JAM3: variants seen among roughly 807,000 people sequenced by gnomAD.
JAM3 encodes junctional adhesion molecule C.
JAM3 carries 31 observed loss-of-function variants against 39.4 expected under a neutral mutation model. The ratio of observed to expected loss-of-function variants is 0.79; its 90% confidence interval spans 0.59 to 1.06. The LOEUF (loss-of-function observed/expected upper bound fraction) is 1.06, where lower values mean the gene tolerates loss of function less well. JAM3 is among the 50% of genes least tolerant of loss of function. The pLI, the probability that JAM3 is intolerant of heterozygous loss-of-function variation, is 0.00. For synonymous variants in JAM3, 182 were observed against 148.7 expected (o/e 1.22, Z -1.63); for missense variants, 455 against 391.4 (o/e 1.16, Z -1.37).
chr11:134,102,500 C>G (rs946630455), intron 1 of JAM3, among the ~76,000 whole-genome samples: 1 of 152,164 alleles, frequency 6.6e-6, no homozygotes, highest in African/African-American at 2.4e-5. Context: ...AGCAACGGAA[C>G]AAAGCTGGAC....
intron 1 of JAM3, among the ~76,000 whole-genome samples, chr11:134,102,779 A>G (rs1045312730): frequency 8.5e-5 from 13 of 152,350 alleles, no homozygotes; most frequent in African/African-American, 3.1e-4. Context: ...TGAAGATCAA[A>G]TGAATGAAAT....
At chr11:134,142,217 C>G (rs1464749258) in intron 3 of JAM3, among the ~76,000 whole-genome samples, 1 of 152,100 alleles carries the variant, frequency 6.6e-6, no homozygotes, top group African/African-American at 2.4e-5. Flanking sequence ...CCGAGGGAGA[C>G]GGTTTCCCGC....
At chr11:134,095,037 T>C (rs1312537417) in intron 1 of JAM3, among the ~76,000 whole-genome samples, 2 of 152,236 alleles carry the variant, frequency 1.3e-5, no homozygotes, top group Non-Finnish European at 2.9e-5. Context: ...AATGAAAGTG[T>C]AATATTGGGT....
rs1480553947 is a variant in JAM3 at position 134,149,678 on chromosome 11, G to C, written c.*497G>C. 1 of 456,842 alleles carries C rather than the reference G, an allele frequency of 2.2e-6. No individual in the cohort carries two copies. The highest frequency in any genetic ancestry group is 4.4e-6 in the Non-Finnish European group (1 of 227,422). The allele number at this position is 456,842 out of a possible 1,614,324, so 28.3% of individuals were successfully genotyped here. ...TCATCGGCCCACAGACACCACCGCA[G>C]TTTCTTCTTAAAGGCTCTGCTGATC... On this transcript the variant is annotated 3_prime_UTR_variant, in exon 9 of 9. Transcript: ENST00000299106.
At chr11:134,121,936 C>G (rs1361527776) in intron 1 of JAM3, among the ~76,000 whole-genome samples, 5 of 152,166 alleles carry the variant, frequency 3.3e-5, no homozygotes, top group African/African-American at 9.7e-5. Flanking sequence ...TCAACACTGT[C>G]TACCTTAGCT....
intron 1 of JAM3, among the ~76,000 whole-genome samples, chr11:134,111,758 T>C (rs898322565): frequency 6.6e-6 from 1 of 152,222 alleles, no homozygotes; most frequent in Admixed American, 6.5e-5. Context: ...TCATTCCATA[T>C]AAACAATAAA....
At chr11:134,134,414 A>AC (rs1565501231) in intron 1 of JAM3, among the ~76,000 whole-genome samples, 3 of 151,342 alleles carry the variant, frequency 2.0e-5, no homozygotes, top group Non-Finnish European at 4.4e-5. Flanking sequence ...AAAAAAAAAA[A>AC]AAAAAAAACA....
chr11:134,122,550 G>A (rs1397179147), intron 1 of JAM3, among the ~76,000 whole-genome samples: 7 of 152,124 alleles, frequency 4.6e-5, no homozygotes, highest in Non-Finnish European at 7.3e-5. Flanking sequence ...TACTCACTGC[G>A]TTGCCCAACG....
At chr11:134,123,839 G>T in intron 1 of JAM3, 1 of 788,686 alleles carries the variant, frequency 1.3e-6, no homozygotes, top group Non-Finnish European at 2.3e-6. Flanking sequence ...GAACACAGCA[G>T]TGCCCGTTGG....
intron 1 of JAM3, among the ~76,000 whole-genome samples, chr11:134,131,446 G>A (rs1426372879): frequency 1.3e-5 from 2 of 150,784 alleles, no homozygotes; most frequent in African/African-American, 4.9e-5. Flanking sequence ...GGGGGAGGGG[G>A]GACAATCTGA....
At chr11:134,137,001 T>G (rs1942876771) in intron 1 of JAM3, among the ~76,000 whole-genome samples, 1 of 151,652 alleles carries the variant, frequency 6.6e-6, no homozygotes, top group South Asian at 2.1e-4. Flanking sequence ...TAGTCCCAGC[T>G]ACTTGGGAGG....
chr11:134,080,510 G>C (rs1030890822), intron 1 of JAM3, among the ~76,000 whole-genome samples: 2 of 152,122 alleles, frequency 1.3e-5, no homozygotes, highest in Non-Finnish European at 2.9e-5. Context: ...GTGATCGTTA[G>C]TAAGTCTCTT....
chr11:134,136,413 T>A (rs1337476312), intron 1 of JAM3, among the ~76,000 whole-genome samples: 2 of 152,232 alleles, frequency 1.3e-5, no homozygotes, highest in African/African-American at 4.8e-5. Context: ...ACGTGTTAGA[T>A]TTGTGCCTTC....
intron 1 of JAM3, among the ~76,000 whole-genome samples, chr11:134,134,906 TATC>T (rs1942835357): frequency 1.3e-5 from 2 of 152,222 alleles, no homozygotes; most frequent in South Asian, 2.1e-4. Context: ...GTTAATCCCT[TATC>T]ATATATATAT....
chr11:134,144,988 C>T lies in JAM3; in HGVS notation c.606C>T (p.Gly202=). ...CTTTCCACTTAAACTCTGAAACAGG[C>T]ACTTTGGTAAGATCTCTTCTAAGAG... ...NSSFHLNSET[G]TLVFTAVHKD... is the part of the protein sequence containing the mutation. The change falls in exon 5 of 9, where the codon GGC becomes GGT. Residue 202 remains glycine (G), a synonymous_variant. Coordinates refer to ENST00000299106, the MANE Select transcript of JAM3 (RefSeq NM_032801.5). 1.2e-6 allele frequency: 2 copies of T among 1,612,106 alleles called. No homozygotes were observed. The highest frequency in any genetic ancestry group is 8.5e-7 in the Non-Finnish European group (1 of 1,178,122).
intron 1 of JAM3, among the ~76,000 whole-genome samples, chr11:134,113,005 T>A (rs1234182369): frequency 3.9e-5 from 6 of 152,110 alleles, no homozygotes; most frequent in African/African-American, 1.2e-4. Context: ...AACAGAGCAC[T>A]CCAGTCCAGT....
chr11:134,135,214 A>T (rs1279515541), intron 1 of JAM3, among the ~76,000 whole-genome samples: 1 of 152,244 alleles, frequency 6.6e-6, no homozygotes, highest in Non-Finnish European at 1.5e-5. Flanking sequence ...ATAAGGGTCT[A>T]ACTTCATCAT....
chr11:134,113,908 C>A (rs1942369179), intron 1 of JAM3, among the ~76,000 whole-genome samples: 1 of 152,196 alleles, frequency 6.6e-6, no homozygotes, highest in African/African-American at 2.4e-5. Flanking sequence ...GATGGTATCT[C>A]ATTGTGGTTT....
At chr11:134,115,030 A>G (rs1278724269) in intron 1 of JAM3, among the ~76,000 whole-genome samples, 5 of 152,210 alleles carry the variant, frequency 3.3e-5, no homozygotes. Flanking sequence ...CTCTGTTACT[A>G]GGTACATACA....
Sources: gnomAD v4.1 joint callset for allele counts (sites outside exome capture counted in the v4.1 genomes callset) on GRCh38, gnomAD v4.1.1 for gene constraint, MANE v1.5 for transcripts, NCBI Gene and HGNC (gene_info 2026-07-23, HGNC 2026-07-21) for gene names.